Variants in CDAN1 observed in about 807,000 individuals in gnomAD.
CDAN1 encodes the protein codanin-1.
In CDAN1, 107 loss-of-function variants were observed where a neutral mutation model predicts 139.8. The ratio of observed to expected loss-of-function variants is 0.77; its 90% CI spans 0.65 to 0.90. CDAN1 has a LOEUF of 0.90. Ranked by LOEUF, CDAN1 falls within the 40% of genes least tolerant of loss-of-function variation. The pLI, the probability that CDAN1 is intolerant of heterozygous loss-of-function variation, is 0.00. For missense variants in CDAN1, 1,667 were observed against 1,575.7 expected (o/e 1.06, Z -0.98); for synonymous variants, 776 against 660.6 (o/e 1.17, Z -2.68).
Position 42,734,045 on chromosome 15 carries a change from G to C in CDAN1, c.1260C>G (p.Val420=). 1 of 1,612,252 alleles carries C rather than the reference G, an allele frequency of 6.2e-7. No individual in the cohort carries two copies. Among genetic ancestry groups the C allele is most frequent in the Non-Finnish European group, 8.5e-7 (1 of 1,178,276 alleles). ...GAGTAGAGGGAGGCATCACCAGAGA[G>C]ACCTAAAATACAGCAGGAACGTTAG... ...RAAYEGSVAK[V]SLVMPPSTQA... The change falls in exon 8 of 28, where the codon GTC becomes GTG. Residue 420 remains valine (V), a splice_region_variant and synonymous_variant. Transcript: ENST00000356231.
At position 42,726,172 on chromosome 15, in the gene CDAN1, G is replaced by GT. The variant is rs758062781; in HGVS notation, c.3205-13dup. The GT allele has an allele frequency of 5.6e-6, 9 of 1,613,932 alleles. No individual in the cohort carries two copies. Among genetic ancestry groups the GT allele is most frequent in the Admixed American group, 5.0e-5 (3 of 60,002 alleles). ...GGTGGGCACAGGAACTGCGGTTGGG[G>GT]TGGGGGGGAAAGAGAGACCATAGGT... On this transcript the variant is annotated splice_polypyrimidine_tract_variant and intron_variant, in intron 24 of 27. Transcript: ENST00000356231.
Position 42,734,307 on chromosome 15 carries a change from C to T in CDAN1, c.1176G>A (p.Leu392=), listed in dbSNP as rs754361238. 12 of 1,614,038 alleles carry T rather than the reference C, an allele frequency of 7.4e-6. No homozygotes were observed. In the African/African-American group the frequency reaches 1.3e-4, roughly 18 times the overall value. Residue 392 remains leucine, a synonymous_variant, in exon 7 of 28, where the codon CTG becomes CTA. Transcript: ENST00000356231. The stretch of plus-strand genomic sequence containing the variant: ...AGCACAGCAGCCGCTCATTCTCAGC[C>T]AGCAGCTTCAAGGTCCCTTTGTCCA... The part of the protein sequence containing the change: ...SNLDKGTLKL[L]AENERLLCFS...
At position 42,731,784 on chromosome 15, in the gene CDAN1, G is replaced by A. The variant is rs756319452; in HGVS notation, c.1575C>T (p.Gly525=). Residue 525 remains glycine, a synonymous_variant, in exon 11 of 28, where the codon GGC becomes GGT. Coordinates refer to ENST00000356231, the MANE Select transcript of CDAN1 (RefSeq NM_138477.4). The part of the protein sequence containing the change: ...SPGGAGGTVL[G]EAPDVLSMLG... ...GCATACTCAACACATCTGGGGCCTCGCCCAAGACGGTGCCCCCAGCACCAC... is the reference window on the plus strand; with the variant it reads ...GCATACTCAACACATCTGGGGCCTCACCCAAGACGGTGCCCCCAGCACCAC... The A allele has an allele frequency of 8.7e-6, 14 of 1,613,972 alleles. No individual in the cohort carries two copies. Among genetic ancestry groups the A allele is most frequent in the South Asian group, 4.4e-5 (4 of 91,090 alleles).
In CDAN1 at chr15:42,729,143, G is replaced by A. The variant is rs1333117322; in HGVS notation, c.2542-17C>T. 6.2e-7 allele frequency: 1 copy of A among 1,613,966 alleles called. No homozygotes were observed. Among genetic ancestry groups the A allele is most frequent in the African/African-American group, 1.3e-5 (1 of 75,030 alleles). Reference sequence around the variant, plus strand: ...GAGCTGTGCCTGGGGGGAGGAGGGAGAGGCAGCAAGGCTTCCTCCAGCCTC... The same window carrying A: ...GAGCTGTGCCTGGGGGGAGGAGGGAAAGGCAGCAAGGCTTCCTCCAGCCTC... On this transcript the variant is annotated splice_polypyrimidine_tract_variant and intron_variant, in intron 18 of 27. Transcript: ENST00000356231.
At chr15:42,733,261 C>T (rs1048560967) in intron 8 of CDAN1, 75 bp from the exon 9 acceptor site, 12 of 1,243,032 alleles carry the variant, frequency 9.7e-6, no homozygotes, top group East Asian at 4.6e-5. Flanking sequence ...AAGAACTATC[C>T]GTAGCCCACC....
At chr15:42,734,077 C>T (rs2140500350) in intron 7 of CDAN1, 30 bp from the exon 8 acceptor site, 2 of 1,593,684 alleles carry the variant, frequency 1.3e-6, no homozygotes, top group Non-Finnish European at 8.6e-7. Flanking sequence ...TTAGGAACTG[C>T]AGGGTCATGC....
At position 42,727,811 on chromosome 15, in the gene CDAN1, CCCTGCACAGGTTCA is replaced by C. The variant is rs751229677; in HGVS notation, c.2948-56_2948-43del. On this transcript the variant is annotated intron_variant, in intron 22 of 27. Transcript: ENST00000356231. ...GAATGGGAAAGGAATCACGGGAGGG[CCCTGCACAGGTTCA>C]CCATGCTAACCCATGCCTTTTGCTG... 1.9e-6 allele frequency: 3 copies of C among 1,611,716 alleles called. No individual in the cohort carries two copies. In the African/African-American group the frequency reaches 4.0e-5, roughly 22 times the overall value.
chr15:42,728,983 T>G (rs754845295), intron 19 of CDAN1, 40 bp downstream of exon 19: 1 of 1,602,664 alleles, frequency 6.2e-7, no homozygotes, highest in South Asian at 1.1e-5. Context: ...GGGGAAAAAA[T>G]GGTAGGGCGA....
Position 42,726,398 on chromosome 15 carries a change from ACGG to A in CDAN1, c.3113_3115del (p.Ala1038del). ...TCCCTCGTCAGGGTCCCGTGGCCCC[ACGG>A]CCAAGGAGAGCACGTCCTGTGAAGA... On this transcript the variant is annotated inframe_deletion, in exon 24 of 28. Coordinates refer to ENST00000356231, the MANE Select transcript of CDAN1 (RefSeq NM_138477.4). 1 of 1,596,390 alleles carries A rather than the reference ACGG, an allele frequency of 6.3e-7. No homozygotes were observed. The highest frequency in any genetic ancestry group is 8.5e-7 in the Non-Finnish European group (1 of 1,171,612).
intron 25 of CDAN1, 38 bp downstream of exon 25, chr15:42,726,059 A>C (rs1316174879): frequency 6.4e-6 from 10 of 1,567,122 alleles, no homozygotes; most frequent in Non-Finnish European, 8.7e-6. Flanking sequence ...GATTTGGGGG[A>C]TCAGGCAAGA....
At position 42,732,465 on chromosome 15, in the gene CDAN1, C is replaced by T. The variant is rs944662712; in HGVS notation, c.1458-57G>A. 1.6e-5 allele frequency: 25 copies of T among 1,522,502 alleles called. 1 individual carries two copies. In the Middle Eastern group the frequency reaches 1.4e-3, roughly 87 times the overall value. 94.3% of individuals were successfully genotyped at this position (1,522,502 alleles called of 1,614,324 possible). ...GGAAAGGAGGGAGAGGGAGAAAGAT[C>T]TGAGAGAAGCAGCCAACCCCTGGAC... On this transcript the variant is annotated intron_variant, in intron 9 of 27. Transcript: ENST00000356231.
chr15:42,734,830 G>C (rs1049455339), intron 6 of CDAN1, among the ~76,000 whole-genome samples: 3 of 148,454 alleles, frequency 2.0e-5, no homozygotes, highest in Admixed American at 1.3e-4. Flanking sequence ...TGTTGCCCAG[G>C]CTGGTCTAAA....
At chr15:42,730,812 G>A (rs2061601392) in intron 13 of CDAN1, 48 bp from the exon 14 acceptor site, 2 of 1,612,562 alleles carry the variant, frequency 1.2e-6, no homozygotes, top group Non-Finnish European at 1.7e-6. Context: ...AGGAAGGGCT[G>A]GGAGATGCCC....
At chr15:42,725,995 AAAAAAG>A (rs1257180939) in intron 25 of CDAN1, 96 bp downstream of exon 25, 5 of 908,666 alleles carry the variant, frequency 5.5e-6, no homozygotes, top group East Asian at 2.8e-5. Context: ...AAAAAAAAAA[AAAAAAG>A]GGACAGAAGA....
chr15:42,727,875 C>T (rs939420993), intron 22 of CDAN1, 80 bp downstream of exon 22: 143 of 1,599,322 alleles, frequency 8.9e-5, no homozygotes, highest in Non-Finnish European at 7.7e-5. Context: ...TCAGTCCCAT[C>T]GCCCACAAGA....
Position 42,728,829 on chromosome 15 carries a change from G to A in CDAN1, c.2646-19C>T. ...TGTAGCCCTGCAGCAGGGACAGCAA[G>A]GTTGGGGATGGTTGGAGGGTTAATC... On this transcript the variant is annotated intron_variant, in intron 19 of 27. Transcript: ENST00000356231. 6.2e-7 allele frequency: 1 copy of A among 1,614,116 alleles called. No homozygotes were observed. Among genetic ancestry groups the A allele is most frequent in the Non-Finnish European group, 8.5e-7 (1 of 1,179,984 alleles).
At position 42,734,295 on chromosome 15, in the gene CDAN1, C is replaced by T. The variant is rs1289119539; in HGVS notation, c.1188G>A (p.Glu396=). 1.2e-6 allele frequency: 2 copies of T among 1,614,036 alleles called. No homozygotes were observed. The highest frequency in any genetic ancestry group is 2.7e-5 in the African/African-American group (2 of 74,936). ...KGTLKLLAEN[E]RLLCFSPALQ... ...GAGCTGGTGAGAAGCACAGCAGCCG[C>T]TCATTCTCAGCCAGCAGCTTCAAGG... The change falls in exon 7 of 28, where the codon GAG becomes GAA. Residue 396 remains glutamate, a synonymous_variant. Transcript: ENST00000356231.
intron 1 of CDAN1, 74 bp from the exon 2 acceptor site, chr15:42,736,854 AGGGCGCGCCTCGGGTGGGCGGCCCGG>A: frequency 6.9e-7 from 1 of 1,454,202 alleles, no homozygotes; most frequent in Non-Finnish European, 9.1e-7. Flanking sequence ...CCGGGGCCGT[AGGGCGCGCCTCGGGTGGGCGGCCCGG>A]GCAGCGGCGC....
At position 42,727,991 on chromosome 15, in the gene CDAN1, C is replaced by CTGT; in HGVS notation, c.2908_2910dup (p.Thr970dup). On this transcript the variant is annotated inframe_insertion, in exon 22 of 28. Coordinates refer to ENST00000356231, the MANE Select transcript of CDAN1 (RefSeq NM_138477.4). ...GCTGACAGCCAAGCACAGGCTTTCT[C>CTGT]TGTTGCAAGCCCCACAGCAATGTTC... is the stretch of plus-strand genomic sequence containing the variant. 6.2e-7 allele frequency: 1 copy of CTGT among 1,614,202 alleles called. No homozygotes were observed. The highest frequency in any genetic ancestry group is 8.5e-7 in the Non-Finnish European group (1 of 1,180,030).
Sources: allele counts gnomAD v4.1 joint callset (sites outside exome capture counted in the v4.1 genomes callset), GRCh38; gene constraint gnomAD v4.1.1; transcripts MANE v1.5; gene names NCBI Gene and HGNC (gene_info 2026-07-23, HGNC 2026-07-21).